The following DNASE1L3 variants were observed in gnomAD, a reference collection of about 807,000 sequenced individuals.
The protein encoded by DNASE1L3 is deoxyribonuclease gamma.
DNASE1L3 carries 27 observed loss-of-function variants against 30.9 expected under a neutral mutation model. The observed-to-expected ratio is 0.87, with a 90% CI of 0.64 to 1.20. The LOEUF is 1.20. Ranked by LOEUF, DNASE1L3 falls within the 50% of genes most tolerant of loss-of-function variation. DNASE1L3 has a pLI of 0.00. For missense variants in DNASE1L3, 364 were observed against 378.2 expected (o/e 0.96, Z 0.31); for synonymous variants, 135 against 138.0 (o/e 0.98, Z 0.15).
At position 58,200,405 on chromosome 3, in the gene DNASE1L3, C is replaced by T. The variant is rs544305023; in HGVS notation, c.546+592G>A. Among the ~76,000 whole-genome samples, 1 of 152,200 alleles carries T rather than the reference C, an allele frequency of 6.6e-6. No homozygotes were observed. The highest frequency in any genetic ancestry group is 1.9e-4 in the East Asian group (1 of 5,178). ...CTGTCCTGCCATCCCAGGGATGGAA[C>T]CAACCTGAGAATGGAGCCACACAGA... On this transcript the variant is annotated intron_variant, in intron 5 of 7. Transcript: ENST00000394549. This position sits in a 1 kb window ranked among gnomAD's most constrained non-coding sequence, Gnocchi z 4.2.
chr3:58,205,321 G>T, intron 3 of DNASE1L3, 150 bp downstream of exon 3: 1 of 732,592 alleles, frequency 1.4e-6, no homozygotes, highest in Non-Finnish European at 2.4e-6. Flanking sequence ...TCAATACTTT[G>T]CATAGGCCCC....
chr3:58,202,167 C>T lies in DNASE1L3; in HGVS notation c.434-1058G>A, dbSNP rs1160324855. ...AGGTTTCCTTTTTTTTTTTTTGAGA[C>T]GGAGTTTCGTTCTTGTTGCCCAGGC... On this transcript the variant is annotated intron_variant, in intron 4 of 7. Coordinates refer to ENST00000394549, the MANE Select transcript of DNASE1L3 (RefSeq NM_004944.4). Among the ~76,000 whole-genome samples the T allele has an allele frequency of 1.0e-4, 15 of 144,476 alleles. 1 individual carries two copies. In the South Asian group the frequency reaches 1.3e-3, roughly 13 times the overall value. 94.8% of individuals were successfully genotyped at this position (144,476 alleles called of 152,430 possible).
intron 1 of DNASE1L3, 95 bp from the exon 2 acceptor site, chr3:58,208,401 AGTGC>A: frequency 7.9e-7 from 1 of 1,269,172 alleles, no homozygotes; most frequent in Non-Finnish European, 1.1e-6. Context: ...TATTGCACTG[AGTGC>A]TTATTAAAAT....
chr3:58,210,201 C>A (rs1346450559), intron 1 of DNASE1L3, among the ~76,000 whole-genome samples: 3 of 124,256 alleles, frequency 2.4e-5, no homozygotes, highest in East Asian at 2.3e-4. Flanking sequence ...AAAGAAAAGA[C>A]AGAAAGAAGA....
Position 58,197,288 on chromosome 3 carries a change from T to C in DNASE1L3, c.704+533A>G, listed in dbSNP as rs2097397998. Among the ~76,000 whole-genome samples, 1 of 152,164 alleles carries C rather than the reference T, an allele frequency of 6.6e-6. No individual in the cohort carries two copies. The highest frequency in any genetic ancestry group is 1.5e-5 in the Non-Finnish European group (1 of 68,032). The stretch of plus-strand genomic sequence containing the variant: ...TGAAGTGATAATGTCAGGATTTAAA[T>C]CCAGGCCTATCTGATAGCGAAGCCA... On this transcript the variant is annotated intron_variant, in intron 6 of 7. Transcript: ENST00000394549. This position sits in a 1 kb window ranked among gnomAD's most constrained non-coding sequence, Gnocchi z 5.3.
chr3:58,198,057 T>C, intron 5 of DNASE1L3, 79 bp from the exon 6 acceptor site: 1 of 1,475,708 alleles, frequency 6.8e-7, no homozygotes, highest in Non-Finnish European at 9.1e-7. Context: ...GCAAAGACTC[T>C]GCGTCCCAGG....
intron 2 of DNASE1L3, 105 bp from the exon 3 acceptor site, chr3:58,205,665 G>C: frequency 1.1e-6 from 1 of 906,478 alleles, no homozygotes; most frequent in Non-Finnish European, 1.8e-6. Flanking sequence ...GGCATCATGT[G>C]GAAGGGCCAC....
At chr3:58,196,999 T>G (rs1270509820) in intron 6 of DNASE1L3, among the ~76,000 whole-genome samples, 1 of 152,210 alleles carries the variant, frequency 6.6e-6, no homozygotes, top group Admixed American at 6.5e-5. Context: ...TTAGCAGTAT[T>G]TATAACAGCA....
chr3:58,209,206 G>A (rs564373452), intron 1 of DNASE1L3, among the ~76,000 whole-genome samples: 4 of 152,172 alleles, frequency 2.6e-5, no homozygotes, highest in African/African-American at 2.4e-5. Flanking sequence ...GTGTTTTGGG[G>A]ATGGCCTCTT....
At chr3:58,206,970 G>A (rs895998503) in intron 2 of DNASE1L3, among the ~76,000 whole-genome samples, 7 of 152,128 alleles carry the variant, frequency 4.6e-5, no homozygotes, top group Non-Finnish European at 1.0e-4. Context: ...TCCCTATGAT[G>A]GATAAGCCCA....
At chr3:58,198,081 A>G (rs1223675948) in intron 5 of DNASE1L3, 103 bp from the exon 6 acceptor site, 1 of 1,320,608 alleles carries the variant, frequency 7.6e-7, no homozygotes, top group Non-Finnish European at 1.0e-6. Flanking sequence ...AGTAAACAAC[A>G]GGGTCTGTTA....
Position 58,192,612 on chromosome 3 carries a change from C to A in DNASE1L3, c.*75G>T. ...TTGGATCACTCTTGTTTCCTAAGTA[C>A]AGGGAGCAGTTCATATCTGTTAGAG... On this transcript the variant is annotated 3_prime_UTR_variant, in exon 8 of 8. Coordinates refer to ENST00000394549, the MANE Select transcript of DNASE1L3 (RefSeq NM_004944.4). The surrounding 1 kb of genome is among the most constrained non-coding windows in gnomAD (Gnocchi z 4.8). 1 of 1,445,170 alleles carries A rather than the reference C, an allele frequency of 6.9e-7. No homozygotes were observed. Among genetic ancestry groups the A allele is most frequent in the Non-Finnish European group, 9.5e-7 (1 of 1,055,264 alleles). The allele number at this position is 1,445,170 out of a possible 1,614,324, so 89.5% of individuals were successfully genotyped here.
intron 6 of DNASE1L3, among the ~76,000 whole-genome samples, chr3:58,196,359 A>G (rs1474388633): frequency 6.6e-6 from 1 of 151,040 alleles, no homozygotes; most frequent in African/African-American, 2.4e-5. Context: ...CCTGGGTAAC[A>G]TGGTGAAACC....
Position 58,208,249 on chromosome 3 carries a change from T to A in DNASE1L3, c.199A>T (p.Ile67Phe), listed in dbSNP as rs1486687026. The A allele has an allele frequency of 6.2e-7, 1 of 1,614,094 alleles. No homozygotes were observed. Among genetic ancestry groups the A allele is most frequent in the African/African-American group, 1.3e-5 (1 of 74,938 alleles). Residue 67 changes from isoleucine (I) to phenylalanine (F), a missense_variant, in exon 2 of 8, where the codon ATC becomes TTC. Transcript: ENST00000394549. Reference sequence around the variant, plus strand: ...AGCTTCTCCATCAGTATGGGGCAGATCCTGTTGTTGCTGTCCTTGATTTCC... The same window carrying A: ...AGCTTCTCCATCAGTATGGGGCAGAACCTGTTGTTGCTGTCCTTGATTTCC... ...VMEIKDSNNR[I>F]CPILMEKLNR...
In DNASE1L3 at chr3:58,205,432, A is replaced by C. The variant is rs747361058; in HGVS notation, c.320+39T>G. Reference sequence around the variant, plus strand: ...TGCATTTTGATTCAATTCACGATTTATTGGTGGCCATGTTCCAGGGAGCAT... The same window carrying C: ...TGCATTTTGATTCAATTCACGATTTCTTGGTGGCCATGTTCCAGGGAGCAT... On this transcript the variant is annotated intron_variant, in intron 3 of 7. Coordinates refer to ENST00000394549, the MANE Select transcript of DNASE1L3 (RefSeq NM_004944.4). 2.6e-6 allele frequency: 4 copies of C among 1,545,378 alleles called. No homozygotes were observed. In the Admixed American group the frequency reaches 5.0e-5, roughly 19 times the overall value.
chr3:58,196,551 TAAAAAAAAAAAA>T (rs60743972), intron 6 of DNASE1L3, among the ~76,000 whole-genome samples: 1 of 60,714 alleles, frequency 1.6e-5, no homozygotes, highest in Non-Finnish European at 3.0e-5. Flanking sequence ...AGACTCTGTC[TAAAAAAAAAAAA>T]AAAAAAAAAA....
At chr3:58,208,081 C>T (rs1286998989) in intron 2 of DNASE1L3, 137 bp downstream of exon 2, 2 of 753,374 alleles carry the variant, frequency 2.7e-6, no homozygotes, top group East Asian at 2.5e-5. Flanking sequence ...GCTAAGGGAG[C>T]TGGACTCCTG....
chr3:58,204,714 C>T (rs954202300), intron 4 of DNASE1L3, 55 bp downstream of exon 4: 28 of 1,483,190 alleles, frequency 1.9e-5, no homozygotes, highest in African/African-American at 6.9e-5. Flanking sequence ...AAGGCTGCTG[C>T]GCATTCATGG....
At position 58,208,303 on chromosome 3, in the gene DNASE1L3, T is replaced by G; in HGVS notation, c.145A>C (p.Ile49Leu). ...ACGAGTATGATGTCACAGCGTTTGA[T>G]GACCTGCAAGAAAGAGAATTCCCAG... The part of the protein sequence containing the change: ...KNAMDVIVKV[I>L]KRCDIILVME... The change falls in exon 2 of 8, where the codon ATC becomes CTC. Residue 49 changes from isoleucine to leucine, a missense_variant. Transcript: ENST00000394549. The G allele has an allele frequency of 1.2e-6, 2 of 1,614,254 alleles. No homozygotes were observed. Among genetic ancestry groups the G allele is most frequent in the Middle Eastern group, 1.6e-4 (1 of 6,062 alleles).
Sources: allele counts gnomAD v4.1 joint callset (sites outside exome capture counted in the v4.1 genomes callset), GRCh38; gene constraint gnomAD v4.1.1; non-coding constraint Gnocchi (gnomAD v3.1); transcripts MANE v1.5; gene names NCBI Gene and HGNC (gene_info 2026-07-23, HGNC 2026-07-21).